The following ULK4 variants were observed in gnomAD, a reference collection of about 807,000 sequenced individuals.
ULK4 encodes the protein inactive serine/threonine-protein kinase ULK4.
In ULK4, 133 loss-of-function variants were observed where a neutral mutation model predicts 160.6. The ratio of observed to expected loss-of-function variants is 0.83; its 90% CI spans 0.72 to 0.96. ULK4 has a LOEUF of 0.96. ULK4 is among the 40% of genes least tolerant of loss of function. The probability of loss-of-function intolerance (pLI) is 0.00; values close to 1 mark genes in which losing one functional copy is unlikely to be tolerated. For missense variants in ULK4, 1,580 were observed against 1,499.5 expected (o/e 1.05, Z -0.89); for synonymous variants, 534 against 539.8 (o/e 0.99, Z 0.15).
intron 30 of ULK4, among the ~76,000 whole-genome samples, chr3:41,653,087 T>TAG (rs10690044): frequency 0.12 from 18,300 of 152,140 alleles, 2,456 homozygotes; most frequent in African/African-American, 0.33. Context: ...AGCTAATTCC[T>TAG]AGAGACAGCA....
chr3:41,891,696 C>G (rs1575897749), intron 16 of ULK4, among the ~76,000 whole-genome samples: 1 of 152,126 alleles, frequency 6.6e-6, no homozygotes, highest in Non-Finnish European at 1.5e-5. Context: ...CACCTGAGAT[C>G]AGGAGTTGGA....
At chr3:41,537,038 C>T (rs1575377268) in intron 32 of ULK4, among the ~76,000 whole-genome samples, 1 of 152,202 alleles carries the variant, frequency 6.6e-6, no homozygotes, top group Non-Finnish European at 1.5e-5. Context: ...TGTTTGCTGA[C>T]ACTGCTTCTT....
chr3:41,853,104 G>A (rs2042255661), intron 17 of ULK4, among the ~76,000 whole-genome samples: 1 of 152,164 alleles, frequency 6.6e-6, no homozygotes, highest in Non-Finnish European at 1.5e-5. Context: ...CTGGAGCAGT[G>A]GTTCTTAAAT....
At chr3:41,590,655 A>AAAC (rs2031229901) in intron 31 of ULK4, among the ~76,000 whole-genome samples, 1 of 151,698 alleles carries the variant, frequency 6.6e-6, no homozygotes, top group East Asian at 2.0e-4. Flanking sequence ...AACAAACAAA[A>AAAC]AAACAAATAC....
chr3:41,422,873 CAT>C (rs1000350005), intron 34 of ULK4, among the ~76,000 whole-genome samples: 5 of 152,140 alleles, frequency 3.3e-5, no homozygotes, highest in Admixed American at 6.5e-5. Flanking sequence ...ACTACACAAA[CAT>C]GTGTTTTGTA....
At chr3:41,488,112 A>G (rs1038875580) in intron 32 of ULK4, among the ~76,000 whole-genome samples, 2 of 152,264 alleles carry the variant, frequency 1.3e-5, no homozygotes, top group Non-Finnish European at 2.9e-5. Context: ...AATTACATCT[A>G]TGACATAAAA....
chr3:41,565,914 T>A (rs2125602760), intron 32 of ULK4, 111 bp downstream of exon 32: 1 of 704,928 alleles, frequency 1.4e-6, no homozygotes, highest in East Asian at 3.0e-5. Context: ...TGAAAATTCT[T>A]ATCTATTTTG....
At chr3:41,870,651 C>A (rs1207809153) in intron 17 of ULK4, among the ~76,000 whole-genome samples, 1 of 152,140 alleles carries the variant, frequency 6.6e-6, no homozygotes, top group Non-Finnish European at 1.5e-5. Context: ...CAAAAGTCTG[C>A]CATTGGTACA....
chr3:41,247,830 T>C (rs1320030101), intron 36 of ULK4, among the ~76,000 whole-genome samples: 1 of 152,244 alleles, frequency 6.6e-6, no homozygotes, highest in Non-Finnish European at 1.5e-5. Flanking sequence ...GACAAACTAC[T>C]GGCAGAGCAG....
At chr3:41,751,138 T>C (rs554642536) in intron 22 of ULK4, among the ~76,000 whole-genome samples, 1 of 152,230 alleles carries the variant, frequency 6.6e-6, no homozygotes, top group East Asian at 1.9e-4. Context: ...ATTGACTTCT[T>C]AACCTACTCA....
chr3:41,401,522 A>G (rs2082178245), intron 34 of ULK4, among the ~76,000 whole-genome samples: 1 of 152,116 alleles, frequency 6.6e-6, no homozygotes, highest in Admixed American at 6.6e-5. Context: ...TGTTGTATCT[A>G]TGGTGGTTAG....
chr3:41,695,985 C>T (rs1160379623), intron 27 of ULK4, among the ~76,000 whole-genome samples: 1 of 152,202 alleles, frequency 6.6e-6, no homozygotes, highest in Non-Finnish European at 1.5e-5. Flanking sequence ...CACCAGAGGG[C>T]TCCTTGGTCT....
intron 35 of ULK4, among the ~76,000 whole-genome samples, chr3:41,376,779 C>A (rs548590255): frequency 2.7e-5 from 4 of 150,092 alleles, no homozygotes; most frequent in Non-Finnish European, 4.4e-5. Context: ...GAATCAATAT[C>A]GTAAAAATGG....
At chr3:41,351,422 C>T (rs2080907396) in intron 35 of ULK4, among the ~76,000 whole-genome samples, 1 of 152,196 alleles carries the variant, frequency 6.6e-6, no homozygotes, top group Non-Finnish European at 1.5e-5. Flanking sequence ...CTGAGGAATA[C>T]ACCAGGAATT....
At chr3:41,463,044 A>G (rs2083729205) in intron 33 of ULK4, 43 bp downstream of exon 33, 1 of 1,575,334 alleles carries the variant, frequency 6.3e-7, no homozygotes, top group Non-Finnish European at 8.6e-7. Flanking sequence ...GAAGCATGAA[A>G]TGGAGTAGGG....
chr3:41,344,339 A>G (rs970241980), intron 35 of ULK4, among the ~76,000 whole-genome samples: 1 of 152,226 alleles, frequency 6.6e-6, no homozygotes, highest in Non-Finnish European at 1.5e-5. Flanking sequence ...AAGATGGATT[A>G]AAGACTTAAA....
intron 27 of ULK4, among the ~76,000 whole-genome samples, chr3:41,694,923 TGTGTTA>T (rs2036437917): frequency 6.6e-6 from 1 of 152,234 alleles, no homozygotes; most frequent in South Asian, 2.1e-4. Context: ...CATACGCATA[TGTGTTA>T]GTCTACTCAG....
chr3:41,379,932 C>G (rs143597457), intron 35 of ULK4, among the ~76,000 whole-genome samples: 62 of 152,212 alleles, frequency 4.1e-4, no homozygotes, highest in African/African-American at 1.5e-3. Context: ...CCCAGGAAGT[C>G]TGATTGATTA....
At chr3:41,540,187 C>T (rs896596296) in intron 32 of ULK4, among the ~76,000 whole-genome samples, 2 of 152,054 alleles carry the variant, frequency 1.3e-5, no homozygotes, top group African/African-American at 4.8e-5. Context: ...TTAGGTATTT[C>T]TCCTAATGCT....
Sources: gnomAD v4.1 joint callset for allele counts (sites outside exome capture counted in the v4.1 genomes callset) on GRCh38, gnomAD v4.1.1 for gene constraint, MANE v1.5 for transcripts, NCBI Gene and HGNC (gene_info 2026-07-23, HGNC 2026-07-21) for gene names.